COG5: variants seen among roughly 807,000 people sequenced by gnomAD.
COG5 encodes the protein component of oligomeric golgi complex 5, also known as conserved oligomeric Golgi complex subunit 5.
A neutral mutation model predicts 110.4 loss-of-function variants in COG5; 86 were observed. The observed-to-expected ratio is 0.78, with a 90% CI of 0.65 to 0.93. The LOEUF (loss-of-function observed/expected upper bound fraction) is 0.93. COG5 is among the 40% of genes least tolerant of loss of function. The pLI is 0.00. For synonymous variants in COG5, 360 were observed against 334.6 expected (o/e 1.08, Z -0.83); for missense variants, 1,077 against 987.0 (o/e 1.09, Z -1.22).
chr7:107,249,689 ATTGTGTGTG>A (rs1802333049), intron 16 of COG5, among the ~76,000 whole-genome samples: 1 of 99,758 alleles, frequency 1.0e-5, no homozygotes, highest in East Asian at 3.0e-4. Flanking sequence ...AACGTACAGG[ATTGTGTGTG>A]TGTGTGTGTG....
In COG5 at chr7:107,563,544, T is replaced by A. The variant is rs71566734; in HGVS notation, c.94+259A>T. The A allele has an allele frequency of 7.3e-4, 187 of 256,444 alleles. 3 individuals are homozygous for A. The highest frequency in any genetic ancestry group is 6.1e-3 in the South Asian group (186 of 30,318). The allele number at this position is 256,444 out of a possible 1,614,324, so 15.9% of individuals were successfully genotyped here. The stretch of plus-strand genomic sequence containing the variant: ...CGAAACTTCAGGGAAGCTGGAGGCA[T>A]GGGGGGGGGGGGGGTCGAGTTGAAA... On this transcript the variant is annotated intron_variant, in intron 1 of 21. Transcript: ENST00000297135.
intron 6 of COG5, among the ~76,000 whole-genome samples, chr7:107,440,024 T>C (rs1584825238): frequency 6.6e-6 from 1 of 152,174 alleles, no homozygotes; most frequent in Non-Finnish European, 1.5e-5. Context: ...GACTAATATA[T>C]CACTGGGTAG....
At chr7:107,506,853 C>T (rs1159542424) in intron 6 of COG5, among the ~76,000 whole-genome samples, 2 of 152,196 alleles carry the variant, frequency 1.3e-5, no homozygotes, top group African/African-American at 2.4e-5. Context: ...AATTCTTCCT[C>T]ATTCGAGGTT....
chr7:107,462,506 G>A (rs1271260682), intron 6 of COG5, among the ~76,000 whole-genome samples: 2 of 151,356 alleles, frequency 1.3e-5, no homozygotes, highest in South Asian at 2.1e-4. Context: ...AATATGGGGG[G>A]TAAGGGGTCA....
chr7:107,503,744 T>C (rs578191672), intron 6 of COG5, among the ~76,000 whole-genome samples: 69 of 152,328 alleles, frequency 4.5e-4, no homozygotes, highest in African/African-American at 1.6e-3. Context: ...CCTAGTATTT[T>C]ATCTTTTTTG....
intron 3 of COG5, among the ~76,000 whole-genome samples, chr7:107,553,470 AAAG>A (rs1303031746): frequency 6.6e-6 from 1 of 152,206 alleles, no homozygotes; most frequent in African/African-American, 2.4e-5. Context: ...GGGAAGCATT[AAAG>A]AATACTGCAT....
chr7:107,207,847 A>G (rs939230824), intron 21 of COG5: 7 of 985,336 alleles, frequency 7.1e-6, no homozygotes, highest in Non-Finnish European at 8.4e-6. Flanking sequence ...GGAAGGCAGG[A>G]TGGTTCACTA....
At chr7:107,295,017 A>T (rs1432064725) in intron 12 of COG5, among the ~76,000 whole-genome samples, 2 of 87,546 alleles carry the variant, frequency 2.3e-5, no homozygotes, top group Non-Finnish European at 5.3e-5. Context: ...ATATACACAC[A>T]TATATATATA....
At chr7:107,350,631 T>C (rs994866866) in intron 10 of COG5, among the ~76,000 whole-genome samples, 2 of 152,198 alleles carry the variant, frequency 1.3e-5, no homozygotes, top group African/African-American at 4.8e-5. Flanking sequence ...CTTATATTTG[T>C]CTAAACTTAA....
chr7:107,299,838 TATA>T (rs1807084924), intron 11 of COG5, among the ~76,000 whole-genome samples: 1 of 101,444 alleles, frequency 9.9e-6, no homozygotes. Flanking sequence ...TATATATATA[TATA>T]TATATATATA....
At chr7:107,404,249 T>C (rs915235656) in intron 7 of COG5, among the ~76,000 whole-genome samples, 5 of 152,194 alleles carry the variant, frequency 3.3e-5, no homozygotes, top group Non-Finnish European at 7.3e-5. Flanking sequence ...AGGAATCAAA[T>C]TAATGTCAGA....
chr7:107,214,523 A>G (rs1464237003), intron 19 of COG5, among the ~76,000 whole-genome samples: 1 of 152,220 alleles, frequency 6.6e-6, no homozygotes, highest in Admixed American at 6.5e-5. Context: ...AAAACACAAA[A>G]ATCAATGCTA....
chr7:107,403,920 T>C (rs916754781), intron 7 of COG5, among the ~76,000 whole-genome samples: 2 of 147,166 alleles, frequency 1.4e-5, no homozygotes, highest in African/African-American at 5.0e-5. Context: ...ATTATTATTA[T>C]TACTATTTTT....
At chr7:107,336,014 A>C (rs1456630438) in intron 10 of COG5, among the ~76,000 whole-genome samples, 1 of 152,208 alleles carries the variant, frequency 6.6e-6, no homozygotes, top group Non-Finnish European at 1.5e-5. Context: ...TAGCAACACA[A>C]TAATAGTAGA....
chr7:107,335,183 T>C (rs993525749), intron 10 of COG5, among the ~76,000 whole-genome samples: 4 of 152,072 alleles, frequency 2.6e-5, no homozygotes, highest in African/African-American at 9.7e-5. Context: ...AAATAACTTA[T>C]GTTCAAGACC....
chr7:107,309,125 A>G (rs1351761712), intron 11 of COG5, among the ~76,000 whole-genome samples: 2 of 152,002 alleles, frequency 1.3e-5, no homozygotes, highest in Non-Finnish European at 2.9e-5. Flanking sequence ...ATATATATAA[A>G]TCAAATATTT....
chr7:107,305,415 C>T (rs990803447), intron 11 of COG5, among the ~76,000 whole-genome samples: 2 of 152,126 alleles, frequency 1.3e-5, no homozygotes, highest in African/African-American at 4.8e-5. Flanking sequence ...GCAAAGGAAG[C>T]CAGTAATCTA....
At position 107,230,640 on chromosome 7, in the gene COG5, A is replaced by G; in HGVS notation, c.2143T>C (p.Ser715Pro). Reference sequence around the variant, plus strand: ...CTGAATGATCTCAGCATCCGATAGGACTTTCCTAAATCAGATACTCGTCTA... The same window carrying G: ...CTGAATGATCTCAGCATCCGATAGGGCTTTCCTAAATCAGATACTCGTCTA... The part of the protein sequence containing the change: ...FCRRVSDLGK[S>P]YRMLRSFRPL... Residue 715 changes from serine (S) to proline (P), a missense_variant, in exon 19 of 22, where the codon TCC becomes CCC. Coordinates refer to ENST00000297135, the MANE Select transcript of COG5 (RefSeq NM_006348.5). The G allele has an allele frequency of 1.2e-6, 2 of 1,613,272 alleles. No individual in the cohort carries two copies. Among genetic ancestry groups the G allele is most frequent in the South Asian group, 1.1e-5 (1 of 91,056 alleles).
At chr7:107,276,062 T>G (rs1293383743) in intron 14 of COG5, among the ~76,000 whole-genome samples, 1 of 152,202 alleles carries the variant, frequency 6.6e-6, no homozygotes, top group African/African-American at 2.4e-5. Flanking sequence ...AGACCTCCCC[T>G]TAAATGTCAT....
Sources: allele counts gnomAD v4.1 joint callset (sites outside exome capture counted in the v4.1 genomes callset), GRCh38; gene constraint gnomAD v4.1.1; transcripts MANE v1.5; gene names NCBI Gene and HGNC (gene_info 2026-07-23, HGNC 2026-07-21).